SCAMP3: variants seen among roughly 807,000 people sequenced by gnomAD.
The protein encoded by SCAMP3 is secretory carrier-associated membrane protein 3.
A neutral mutation model predicts 44.1 loss-of-function variants in SCAMP3; 30 were observed. The ratio of observed to expected loss-of-function variants is 0.68; its 90% CI spans 0.51 to 0.92. The LOEUF is 0.92. Among genes scored for constraint, SCAMP3 ranks in the 40% least tolerant of loss-of-function variants. The pLI is 0.00. For synonymous variants in SCAMP3, 168 were observed against 171.1 expected, an observed-to-expected ratio of 0.98 and a Z score of 0.14; for missense variants, 394 against 440.0, an observed-to-expected ratio of 0.90 and a Z score of 0.93.
At chr1:155,259,759 A>T (rs1672908831) in intron 4 of SCAMP3, among the ~76,000 whole-genome samples, 1 of 152,162 alleles carries the variant, frequency 6.6e-6, no homozygotes, top group South Asian at 2.1e-4. Context: ...ACATCTAAGC[A>T]CTGTACCAAG....
intron 4 of SCAMP3, 52 bp downstream of exon 4, chr1:155,260,278 T>C: frequency 6.2e-7 from 1 of 1,600,104 alleles, no homozygotes; most frequent in Non-Finnish European, 8.5e-7. Flanking sequence ...CCTTAAGACC[T>C]GTTTTTGCTC....
At chr1:155,261,004 C>T (rs1307422396) in intron 2 of SCAMP3, among the ~76,000 whole-genome samples, 2 of 151,636 alleles carry the variant, frequency 1.3e-5, no homozygotes, top group Admixed American at 6.6e-5. Flanking sequence ...CATCACTCAT[C>T]GAAGCCTCAA....
rs34315387 is a variant in SCAMP3, at chr1:155,256,424, A to G, written c.898-5T>C. On this transcript the variant is annotated splice_region_variant and splice_polypyrimidine_tract_variant and intron_variant, in intron 8 of 8. Transcript: ENST00000302631. ...GCGGCGGTATAAGGAGTGGATCTGC[A>G]AGTAGAGGACAAAGACATTACCGCC... 8,320 of 1,574,712 alleles carry G rather than the reference A, an allele frequency of 5.3e-3. 38 individuals are homozygous for G. Among genetic ancestry groups the G allele is most frequent in the Non-Finnish European group, 6.7e-3 (7,709 of 1,156,728 alleles).
intron 5 of SCAMP3, 54 bp downstream of exon 5, chr1:155,258,756 TGGTGAGCGGACCCCAG>T: frequency 6.9e-7 from 1 of 1,443,936 alleles, no homozygotes; most frequent in Non-Finnish European, 9.4e-7. Context: ...GTTTGGTTCT[TGGTGAGCGGACCCCAG>T]GGCAGTTAAG....
intron 1 of SCAMP3, 32 bp downstream of exon 1, chr1:155,262,054 C>T (rs1189040661): frequency 1.2e-6 from 2 of 1,605,946 alleles, no homozygotes; most frequent in Non-Finnish European, 1.7e-6. Context: ...ATCAACCTGA[C>T]CGCCCAAAAG....
In SCAMP3 at chr1:155,256,604, A is replaced by G. The variant is rs538824002; in HGVS notation, c.897+70T>C. On this transcript the variant is annotated intron_variant, in intron 8 of 8. Coordinates refer to ENST00000302631, the MANE Select transcript of SCAMP3 (RefSeq NM_005698.4). ...GCCTGACCTGTGCCAGTTGCTCCTGAATGTTCCACCCACGCCCCTGGGGAC... is the reference window on the plus strand; with the variant it reads ...GCCTGACCTGTGCCAGTTGCTCCTGGATGTTCCACCCACGCCCCTGGGGAC... The G allele has an allele frequency of 1.5e-5, 22 of 1,452,618 alleles. No homozygotes were observed. The South Asian group carries it at 2.3e-4, about 15-fold the overall frequency. The allele number at this position is 1,452,618 out of a possible 1,614,324, so 90.0% of individuals were successfully genotyped here. A position where few individuals can be genotyped will look rare whatever the true frequency, so the allele number is the denominator to read the frequency against.
intron 4 of SCAMP3, among the ~76,000 whole-genome samples, chr1:155,259,659 C>A (rs1156754532): frequency 4.6e-5 from 7 of 152,168 alleles, no homozygotes; most frequent in Non-Finnish European, 1.0e-4. Context: ...GGCACCATAC[C>A]CAGCCCTGGA....
At chr1:155,261,484 T>A (rs934464995) in intron 2 of SCAMP3, 173 bp downstream of exon 2, 4 of 666,534 alleles carry the variant, frequency 6.0e-6, no homozygotes, top group Non-Finnish European at 1.1e-5. Flanking sequence ...TTGGTGGCCC[T>A]GGTGGCCCTA....
In SCAMP3 at chr1:155,257,537, G is replaced by A. The variant is rs1213241986; in HGVS notation, c.638C>T (p.Ser213Phe). 1 of 1,612,190 alleles carries A rather than the reference G, an allele frequency of 6.2e-7. No homozygotes were observed. The highest frequency in any genetic ancestry group is 8.5e-7 in the Non-Finnish European group (1 of 1,179,094). Residue 213 changes from serine (S) to phenylalanine (F), a missense_variant, in exon 6 of 9, where the codon TCC becomes TTC. Physicochemically the swap from Ser to Phe is radical, Grantham distance 155. Coordinates refer to ENST00000302631, the MANE Select transcript of SCAMP3 (RefSeq NM_005698.4). ...CATGGGGCGGTACCAGCAGACAAAG[G>A]AGCAGGGAGTGAAAAGGAGGACCCA... is the stretch of plus-strand genomic sequence containing the variant. ...ILWVLLFTPC[S>F]FVCWYRPMYK...
chr1:155,259,236 G>A (rs1228406829), intron 4 of SCAMP3, among the ~76,000 whole-genome samples: 1 of 147,282 alleles, frequency 6.8e-6, no homozygotes, highest in Non-Finnish European at 1.5e-5. Context: ...GTGCAGTGGT[G>A]TGATCTTGGC....
At position 155,257,644 on chromosome 1, in the gene SCAMP3, A is replaced by G. The variant is rs760711780; in HGVS notation, c.531T>C (p.Ala177=). 6.4e-6 allele frequency: 10 copies of G among 1,560,814 alleles called. No individual in the cohort carries two copies. The highest frequency in any genetic ancestry group is 2.7e-5 in the African/African-American group (2 of 73,484). ...GGCAGGCGAGGAAGTTCAGGAGAAG[A>G]GCCAGCGTGCTGCCTAAGGGGCAGA... ...MYYLWMCSTL[A]LLLNFLACLA... is the part of the protein sequence containing the mutation. Residue 177 remains alanine (A), a synonymous_variant, in exon 6 of 9, where the codon GCT becomes GCC. Coordinates refer to ENST00000302631, the MANE Select transcript of SCAMP3 (RefSeq NM_005698.4).
chr1:155,258,030 T>A (rs1479214855), intron 5 of SCAMP3, among the ~76,000 whole-genome samples: 1 of 149,596 alleles, frequency 6.7e-6, no homozygotes, highest in Non-Finnish European at 1.5e-5. Flanking sequence ...TTTCTTTTTT[T>A]TTTTTTGAGA....
Position 155,256,252 on chromosome 1 carries a change from C to G in SCAMP3, c.*21G>C. 1 of 1,541,900 alleles carries G rather than the reference C, an allele frequency of 6.5e-7. No individual in the cohort carries two copies. On this transcript the variant is annotated 3_prime_UTR_variant, in exon 9 of 9. Transcript: ENST00000302631. ...AAGTCAGCTCCCTCAAGTAGCAGGG[C>G]CAGGGCATCCCAGTCAGGGGTCACG...
chr1:155,256,995 A>G lies in SCAMP3; in HGVS notation c.780-204T>C. On this transcript the variant is annotated intron_variant, in intron 7 of 8. Coordinates refer to ENST00000302631, the MANE Select transcript of SCAMP3 (RefSeq NM_005698.4). The stretch of plus-strand genomic sequence containing the variant: ...TGAACCATTAGCCCTGAGCTCTCCA[A>G]GCTCTTCCAGGCACTCATCTGGGGA... 2.0e-5 allele frequency among the ~76,000 whole-genome samples: 3 copies of G among 152,162 alleles called. 1 individual carries two copies. In the East Asian group the frequency reaches 5.8e-4, roughly 29 times the overall value.
At chr1:155,257,099 C>T (rs1672821453) in intron 7 of SCAMP3, among the ~76,000 whole-genome samples, 186 bp downstream of exon 7, 2 of 152,236 alleles carry the variant, frequency 1.3e-5, no homozygotes, top group South Asian at 4.1e-4. Flanking sequence ...AGCATTCTTC[C>T]CTTCAATCTA....
chr1:155,260,688 C>T, intron 2 of SCAMP3, 29 bp from the exon 3 acceptor site: 1 of 1,578,520 alleles, frequency 6.3e-7, no homozygotes, highest in South Asian at 1.2e-5. Flanking sequence ...TAGTGATCAT[C>T]TAGTCCCTCA....
chr1:155,256,828 C>T (rs1215869237), intron 7 of SCAMP3, 37 bp from the exon 8 acceptor site: 1 of 1,520,930 alleles, frequency 6.6e-7, no homozygotes, highest in Non-Finnish European at 9.1e-7. Context: ...AGAGGGGCTC[C>T]TCAGCTTCTC....
Position 155,262,271 on chromosome 1 carries a change from G to T in SCAMP3, c.-120C>A. 2 of 910,918 alleles carry T rather than the reference G, an allele frequency of 2.2e-6. No individual in the cohort carries two copies. The highest frequency in any genetic ancestry group is 3.3e-6 in the Non-Finnish European group (2 of 607,584). 56.4% of individuals were successfully genotyped at this position (910,918 alleles called of 1,614,324 possible). ...CAGTTCGCCCCGCTTCTCTGTGCAC[G>T]GATTGGTTCCACCGACCGGAAGGGC... On this transcript the variant is annotated 5_prime_UTR_variant, in exon 1 of 9. Coordinates refer to ENST00000302631, the MANE Select transcript of SCAMP3 (RefSeq NM_005698.4).
chr1:155,256,434 C>A lies in SCAMP3; in HGVS notation c.898-15G>T. On this transcript the variant is annotated splice_polypyrimidine_tract_variant and intron_variant, in intron 8 of 8. Transcript: ENST00000302631. ...AAGGAGTGGATCTGCAAGTAGAGGA[C>A]AAAGACATTACCGCCCATTCCAGCC... 6.4e-7 allele frequency: 1 copy of A among 1,566,408 alleles called. No homozygotes were observed. Among genetic ancestry groups the A allele is most frequent in the Non-Finnish European group, 8.7e-7 (1 of 1,150,856 alleles).
Sources: gnomAD v4.1 joint callset for allele counts (sites outside exome capture counted in the v4.1 genomes callset) on GRCh38, gnomAD v4.1.1 for gene constraint, MANE v1.5 for transcripts, NCBI Gene and HGNC (gene_info 2026-07-23, HGNC 2026-07-21) for gene names.